Variants in PPFIA2 observed in about 807,000 individuals in gnomAD.
PPFIA2 encodes liprin-alpha-2.
Under a neutral mutation model 175.5 loss-of-function variants are expected in PPFIA2, and 46 were observed. That is an observed-to-expected ratio of 0.26 (90% CI 0.21 to 0.34). The LOEUF is 0.34. Ranked by LOEUF, PPFIA2 falls within the 10% of genes least tolerant of loss-of-function variation. The pLI is 1.00. For missense variants in PPFIA2, 1,179 were observed against 1,506.1 expected, an observed-to-expected ratio of 0.78 and a Z score of 3.60; for synonymous variants, 568 against 511.4, an observed-to-expected ratio of 1.11 and a Z score of -1.49.
chr12:81,535,778 T>C (rs2065284096), intron 4 of PPFIA2, among the ~76,000 whole-genome samples: 1 of 151,620 alleles, frequency 6.6e-6, no homozygotes. Flanking sequence ...AACAGGAAAA[T>C]TTACAGGAAT....
intron 3 of PPFIA2, among the ~76,000 whole-genome samples, chr12:81,726,707 T>G (rs2080126702): frequency 6.6e-6 from 1 of 151,310 alleles, no homozygotes; most frequent in African/African-American, 2.4e-5. Context: ...AGATGGCCCA[T>G]GTATTGCTAT....
chr12:81,496,363 G>A (rs2060022662), intron 4 of PPFIA2, among the ~76,000 whole-genome samples: 1 of 152,134 alleles, frequency 6.6e-6, no homozygotes, highest in Non-Finnish European at 1.5e-5. Context: ...GGAGACAATT[G>A]CAGAAAATTG....
At chr12:81,356,680 G>A (rs1238528241) in intron 16 of PPFIA2, among the ~76,000 whole-genome samples, 1 of 151,848 alleles carries the variant, frequency 6.6e-6, no homozygotes, top group Non-Finnish European at 1.5e-5. Context: ...TAAAAAAAAA[G>A]AAATATTGTG....
chr12:81,400,716 C>A (rs2041963560), intron 8 of PPFIA2, among the ~76,000 whole-genome samples: 1 of 152,116 alleles, frequency 6.6e-6, no homozygotes, highest in Non-Finnish European at 1.5e-5. Flanking sequence ...ATAAGAGCAA[C>A]AACTTAAAAA....
intron 4 of PPFIA2, among the ~76,000 whole-genome samples, chr12:81,618,448 A>T (rs1158568455): frequency 1.3e-5 from 2 of 152,034 alleles, no homozygotes. Flanking sequence ...GAGAAAACTG[A>T]AATTTACTCA....
intron 3 of PPFIA2, among the ~76,000 whole-genome samples, chr12:81,705,957 T>A (rs1030338517): frequency 9.9e-5 from 15 of 152,238 alleles, no homozygotes; most frequent in Non-Finnish European, 2.9e-5. Context: ...TTGCCACGTG[T>A]TAAAATGATA....
At chr12:81,495,374 A>G (rs572998633) in intron 4 of PPFIA2, among the ~76,000 whole-genome samples, 1 of 152,172 alleles carries the variant, frequency 6.6e-6, no homozygotes, top group African/African-American at 2.4e-5. Context: ...TCTTTAAAAT[A>G]GAAAATTTAT....
At position 81,384,021 on chromosome 12, in the gene PPFIA2, A is replaced by G; in HGVS notation, c.984+2T>C. 1 of 1,601,440 alleles carries G rather than the reference A, an allele frequency of 6.2e-7. No individual in the cohort carries two copies. Among genetic ancestry groups the G allele is most frequent in the Non-Finnish European group, 8.5e-7 (1 of 1,169,620 alleles). On this transcript the variant is annotated splice_donor_variant, in intron 9 of 32. Transcript: ENST00000549396. LOFTEE classifies it high-confidence loss of function. Reference sequence around the variant, plus strand: ...AGACTGAAAGTGGCATGAATCACTTACCTCCCTAATGTCCCTTTGATACTT... The same window carrying G: ...AGACTGAAAGTGGCATGAATCACTTGCCTCCCTAATGTCCCTTTGATACTT...
chr12:81,354,310 T>A (rs997734222), intron 16 of PPFIA2, among the ~76,000 whole-genome samples: 2 of 152,206 alleles, frequency 1.3e-5, no homozygotes, highest in Admixed American at 6.5e-5. Context: ...ATCAATCCTC[T>A]CACACCCTGA....
chr12:81,369,082 TG>T (rs1410361753), intron 12 of PPFIA2, 28 bp downstream of exon 12: 2 of 1,518,280 alleles, frequency 1.3e-6, no homozygotes, highest in Non-Finnish European at 9.1e-7. Flanking sequence ...AACCAATGAT[TG>T]GGGGGTAATA....
At chr12:81,658,763 G>A (rs11114967) in intron 4 of PPFIA2, among the ~76,000 whole-genome samples, 138,975 of 151,994 alleles carry the variant, frequency 0.91, 63,691 homozygotes, top group East Asian at 1. Flanking sequence ...CAACTTACAT[G>A]CAAAGAAACA....
chr12:81,457,441 C>T (rs1028909952), intron 5 of PPFIA2, among the ~76,000 whole-genome samples: 1 of 152,026 alleles, frequency 6.6e-6, no homozygotes. Flanking sequence ...TACCCTACCC[C>T]CAAAACAACC....
At chr12:81,665,640 C>T (rs2070050496) in intron 4 of PPFIA2, among the ~76,000 whole-genome samples, 1 of 152,030 alleles carries the variant, frequency 6.6e-6, no homozygotes, top group African/African-American at 2.4e-5. Context: ...GTTTGGAGCA[C>T]TCTACATTGC....
chr12:81,584,235 C>T (rs1350319151), intron 4 of PPFIA2, among the ~76,000 whole-genome samples: 1 of 151,790 alleles, frequency 6.6e-6, no homozygotes, highest in African/African-American at 2.4e-5. Context: ...AAATATTTAA[C>T]ATTAAACAAA....
At chr12:81,586,193 T>C (rs186855070) in intron 4 of PPFIA2, among the ~76,000 whole-genome samples, 171 of 152,142 alleles carry the variant, frequency 1.1e-3, no homozygotes, top group Middle Eastern at 3.4e-3. Flanking sequence ...CTATGAATCA[T>C]GTGTCTTTTC....
chr12:81,325,939 T>C (rs919765399), intron 21 of PPFIA2, 69 bp from the exon 22 acceptor site: 2 of 1,183,270 alleles, frequency 1.7e-6, no homozygotes, highest in African/African-American at 1.5e-5. Flanking sequence ...AGTCAGGTTG[T>C]TAAAGGTTTA....
chr12:81,397,729 G>A (rs1159529861), intron 8 of PPFIA2, among the ~76,000 whole-genome samples: 1 of 152,064 alleles, frequency 6.6e-6, no homozygotes. Context: ...CTGGTCTGTG[G>A]CCTGTTTGGG....
chr12:81,399,684 C>G (rs17008486), intron 8 of PPFIA2, among the ~76,000 whole-genome samples: 2,227 of 152,190 alleles, frequency 0.015, 53 homozygotes, highest in East Asian at 0.058. Context: ...CCATGTATAT[C>G]TTTAGACCTG....
At chr12:81,470,098 T>A (rs1254320050) in intron 4 of PPFIA2, among the ~76,000 whole-genome samples, 9 of 152,180 alleles carry the variant, frequency 5.9e-5, no homozygotes, top group African/African-American at 2.2e-4. Flanking sequence ...TAATATACCA[T>A]AAAGTTAAGA....
Sources: allele counts gnomAD v4.1 joint callset (sites outside exome capture counted in the v4.1 genomes callset), GRCh38; gene constraint gnomAD v4.1.1; transcripts MANE v1.5; gene names NCBI Gene and HGNC (gene_info 2026-07-23, HGNC 2026-07-21).